The following MARCHF8 variants were observed in gnomAD, a reference collection of about 807,000 sequenced individuals.
The protein encoded by MARCHF8 is membrane associated ring-CH-type finger 8.
MARCHF8 carries 40 observed loss-of-function variants against 51.6 expected under a neutral mutation model. That is an observed-to-expected ratio of 0.77 (90% CI 0.60 to 1.01). The LOEUF (loss-of-function observed/expected upper bound fraction) is 1.01, where lower values mean the gene tolerates loss of function less well. Among genes scored for constraint, MARCHF8 ranks in the 50% least tolerant of loss-of-function variants. MARCHF8 has a pLI of 0.00. For missense variants in MARCHF8, 685 were observed against 708.6 expected (o/e 0.97, Z 0.38); for synonymous variants, 263 against 280.3 (o/e 0.94, Z 0.62).
intron 5 of MARCHF8, 81 bp from the exon 6 acceptor site, chr10:45,461,492 C>A: frequency 8.1e-7 from 1 of 1,236,734 alleles, no homozygotes; most frequent in South Asian, 1.9e-5. Context: ...GTTAATCCCC[C>A]CAAAGGAAAC....
intron 1 of MARCHF8, among the ~76,000 whole-genome samples, chr10:45,550,486 G>T (rs764236052): frequency 2.0e-5 from 3 of 152,134 alleles, no homozygotes; most frequent in Admixed American, 6.5e-5. Flanking sequence ...GTACAATGCA[G>T]CATGTAAGGA....
chr10:45,530,709 G>A (rs1251751409), intron 2 of MARCHF8, among the ~76,000 whole-genome samples: 1 of 152,134 alleles, frequency 6.6e-6, no homozygotes, highest in African/African-American at 2.4e-5. Context: ...GGAGTTCGTG[G>A]CTGCGGTATG....
intron 3 of MARCHF8, among the ~76,000 whole-genome samples, chr10:45,475,405 C>T (rs2042769164): frequency 6.6e-6 from 1 of 151,716 alleles, no homozygotes; most frequent in African/African-American, 2.4e-5. Context: ...AATGCATCCC[C>T]GGGGGGGGCT....
chr10:45,547,246 A>G (rs1272119785), intron 1 of MARCHF8, among the ~76,000 whole-genome samples: 1 of 152,238 alleles, frequency 6.6e-6, no homozygotes, highest in Non-Finnish European at 1.5e-5. Context: ...ATAATGGAGG[A>G]AAAAACTAGA....
intron 2 of MARCHF8, among the ~76,000 whole-genome samples, chr10:45,529,721 T>A (rs1004366315): frequency 9.2e-5 from 14 of 151,920 alleles, no homozygotes; most frequent in Admixed American, 4.6e-4. Context: ...GAAATGCAAA[T>A]AAAAGCGATG....
intron 1 of MARCHF8, among the ~76,000 whole-genome samples, chr10:45,549,092 C>T (rs1265108690): frequency 2.0e-5 from 3 of 152,106 alleles, no homozygotes. Flanking sequence ...TGTCTGATCC[C>T]TATAGATAAC....
intron 2 of MARCHF8, among the ~76,000 whole-genome samples, chr10:45,519,694 C>G (rs148803843): frequency 4.2e-4 from 64 of 152,138 alleles, no homozygotes; most frequent in African/African-American, 1.5e-3. Context: ...ATGTAAAAAC[C>G]GTTTTTAGCT....
At chr10:45,551,355 G>T (rs1277468112) in intron 1 of MARCHF8, among the ~76,000 whole-genome samples, 1 of 152,088 alleles carries the variant, frequency 6.6e-6, no homozygotes, top group Non-Finnish European at 1.5e-5. Context: ...AGGATACCAA[G>T]AGTTTCTGTC....
At chr10:45,497,808 G>T (rs1391107891) in intron 2 of MARCHF8, among the ~76,000 whole-genome samples, 1 of 152,124 alleles carries the variant, frequency 6.6e-6, no homozygotes, top group Admixed American at 6.6e-5. Flanking sequence ...GATATTTATA[G>T]CTGTAAATGA....
chr10:45,489,222 C>T (rs1564480708), intron 3 of MARCHF8, 145 bp downstream of exon 3: 2 of 600,630 alleles, frequency 3.3e-6, no homozygotes. Context: ...TGCCACATAC[C>T]TCTTATGGTC....
At chr10:45,555,506 G>A (rs535195442) in intron 1 of MARCHF8, among the ~76,000 whole-genome samples, 8 of 151,808 alleles carry the variant, frequency 5.3e-5, no homozygotes, top group Admixed American at 4.6e-4. Flanking sequence ...TGAGGCCGAG[G>A]TAGGAAAATC....
At chr10:45,509,296 T>C (rs2043449394) in intron 2 of MARCHF8, among the ~76,000 whole-genome samples, 1 of 152,242 alleles carries the variant, frequency 6.6e-6, no homozygotes, top group Non-Finnish European at 1.5e-5. Flanking sequence ...GGAATATTGT[T>C]GATGCTGTTT....
Position 45,459,166 on chromosome 10 carries a change from C to A in MARCHF8, c.1371G>T (p.Val457=), listed in dbSNP as rs777097482. The change falls in exon 7 of 8, where the codon GTG becomes GTT. Residue 457 remains valine, a synonymous_variant. Coordinates refer to ENST00000453424, the MANE Select transcript of MARCHF8 (RefSeq NM_001282866.2). ...TCTCCTCAGCAGTACGGTCAATGAGCACATACAAGGACCAGACCACACATG... is the reference window on the plus strand; with the variant it reads ...TCTCCTCAGCAGTACGGTCAATGAGAACATACAAGGACCAGACCACACATG... ...AITCVVWSLY[V]LIDRTAEEIK... 1 of 1,614,062 alleles carries A rather than the reference C, an allele frequency of 6.2e-7. No individual in the cohort carries two copies.
rs201982878 is a variant in MARCHF8 at position 45,548,800 on chromosome 10, GC to G, written c.-78-15512del. Among the ~76,000 whole-genome samples the G allele has an allele frequency of 6.7e-3, 1,015 of 152,158 alleles. 9 individuals are homozygous for G. Among genetic ancestry groups the G allele is most frequent in the African/African-American group, 0.023 (967 of 41,498 alleles). On this transcript the variant is annotated intron_variant, in intron 1 of 6. Transcript: ENST00000319836. Reference sequence around the variant, plus strand: ...GCCTGAGGTCAGGAGTTCGTGACCAGCCTGGCCAACATGGTGAAACCCTGTC... The same window carrying G: ...GCCTGAGGTCAGGAGTTCGTGACCAGCTGGCCAACATGGTGAAACCCTGTC...
At chr10:45,523,040 T>C (rs1475699547) in intron 2 of MARCHF8, among the ~76,000 whole-genome samples, 1 of 152,120 alleles carries the variant, frequency 6.6e-6, no homozygotes, top group Non-Finnish European at 1.5e-5. Context: ...TCTATATTCA[T>C]GTGCAAGCAT....
At chr10:45,532,624 A>G (rs972001875) in intron 2 of MARCHF8, among the ~76,000 whole-genome samples, 1 of 152,222 alleles carries the variant, frequency 6.6e-6, no homozygotes, top group East Asian at 1.9e-4. Context: ...AGACCTCACC[A>G]GAATCCAACC....
At chr10:45,461,186 G>T (rs532135268) in intron 6 of MARCHF8, 45 bp downstream of exon 6, 3 of 1,381,800 alleles carry the variant, frequency 2.2e-6, no homozygotes, top group Non-Finnish European at 2.9e-6. Context: ...CTTTCTGGGG[G>T]TCACTGGTTT....
chr10:45,589,053 CAT>C (rs1259279006), intron 1 of MARCHF8, among the ~76,000 whole-genome samples: 1 of 149,766 alleles, frequency 6.7e-6, no homozygotes, highest in African/African-American at 2.5e-5. Flanking sequence ...ATTTAATCAC[CAT>C]AGTTTTCCAG....
intron 1 of MARCHF8, among the ~76,000 whole-genome samples, chr10:45,563,913 C>T (rs1319093196): frequency 6.6e-6 from 1 of 152,040 alleles, no homozygotes; most frequent in Non-Finnish European, 1.5e-5. Context: ...CAGCTATTAC[C>T]CACCAAAAGT....
Sources: allele counts gnomAD v4.1 joint callset (sites outside exome capture counted in the v4.1 genomes callset), GRCh38; gene constraint gnomAD v4.1.1; transcripts MANE v1.5; gene names NCBI Gene and HGNC (gene_info 2026-07-23, HGNC 2026-07-21).